The following SPATA6L variants were observed in gnomAD, a reference collection of about 807,000 sequenced individuals.
SPATA6L encodes spermatogenesis associated 6-like protein.
A neutral mutation model predicts 49.2 loss-of-function variants in SPATA6L; 68 were observed. That is an observed-to-expected ratio of 1.38 (90% CI 1.14 to 1.69). The LOEUF is 1.69. SPATA6L is among the 40% of genes most tolerant of loss of function. The pLI is 0.00. For synonymous variants in SPATA6L, 198 were observed against 165.7 expected, an observed-to-expected ratio of 1.19 and a Z score of -1.50; for missense variants, 668 against 464.3, an observed-to-expected ratio of 1.44 and a Z score of -4.03.
chr9:4,606,943 G>C (rs1372461791), intron 9 of SPATA6L, among the ~76,000 whole-genome samples: 1 of 145,184 alleles, frequency 6.9e-6, no homozygotes, highest in Non-Finnish European at 1.5e-5. Flanking sequence ...ACAGAGAAGT[G>C]CTTAAAGGAG....
At chr9:4,665,220 C>G (rs540475025) in intron 1 of SPATA6L, 2 of 166,766 alleles carry the variant, frequency 1.2e-5, no homozygotes, top group Non-Finnish European at 2.9e-5. Flanking sequence ...TGAATAATGC[C>G]TTTTAAAAAT....
intron 3 of SPATA6L, among the ~76,000 whole-genome samples, chr9:4,637,403 C>T (rs909871702): frequency 6.6e-6 from 1 of 152,162 alleles, no homozygotes; most frequent in Non-Finnish European, 1.5e-5. Context: ...TTACTTTCAA[C>T]GTAAGATTTA....
chr9:4,611,735 A>G (rs997123170), intron 9 of SPATA6L, among the ~76,000 whole-genome samples: 1 of 151,854 alleles, frequency 6.6e-6, no homozygotes, highest in African/African-American at 2.4e-5. Flanking sequence ...CCAGCGTGGC[A>G]CATGTATACA....
intron 3 of SPATA6L, among the ~76,000 whole-genome samples, chr9:4,647,775 C>G (rs1451882288): frequency 6.7e-6 from 1 of 149,984 alleles, no homozygotes; most frequent in Non-Finnish European, 1.5e-5. Flanking sequence ...GCAATTATAA[C>G]AATTAAAAAA....
intron 6 of SPATA6L, among the ~76,000 whole-genome samples, chr9:4,624,093 T>A (rs1829895711): frequency 6.6e-6 from 1 of 152,194 alleles, no homozygotes; most frequent in African/African-American, 2.4e-5. Context: ...TACACAAGCA[T>A]CACCACTGAT....
At chr9:4,594,434 G>A (rs893778078), downstream of SPATA6L, among the ~76,000 whole-genome samples, 1 of 152,154 alleles carries the variant, frequency 6.6e-6, no homozygotes, top group African/African-American at 2.4e-5. Context: ...GGATGGTCTT[G>A]ATCTCCTGAA....
intron 13 of SPATA6L, among the ~76,000 whole-genome samples, chr9:4,591,409 C>T (rs564171384): frequency 3.7e-4 from 57 of 152,280 alleles, no homozygotes; most frequent in Non-Finnish European, 7.5e-4. Flanking sequence ...AAAATGAATC[C>T]GAGGTTATCC....
intron 7 of SPATA6L, 117 bp downstream of exon 7, chr9:4,622,291 T>TAA: frequency 1.5e-6 from 1 of 670,758 alleles, no homozygotes; most frequent in Non-Finnish European, 2.6e-6. Context: ...GGAGAGTACT[T>TAA]GAGAATTAGG....
chr9:4,591,447 G>T (rs1439093066), intron 13 of SPATA6L, among the ~76,000 whole-genome samples: 1 of 149,910 alleles, frequency 6.7e-6, no homozygotes, highest in Admixed American at 6.7e-5. Flanking sequence ...AACTAGGCAG[G>T]TCTGATGGAT....
At chr9:4,621,784 G>A (rs576999320) in intron 7 of SPATA6L, among the ~76,000 whole-genome samples, 2 of 152,270 alleles carry the variant, frequency 1.3e-5, no homozygotes, top group East Asian at 1.9e-4. Context: ...CACCGTACCC[G>A]GCCGTAGTCT....
chr9:4,616,142 C>T (rs371670365), intron 9 of SPATA6L, among the ~76,000 whole-genome samples: 42 of 151,954 alleles, frequency 2.8e-4, no homozygotes, highest in Non-Finnish European at 4.0e-4. Context: ...CCGGGCATGC[C>T]GGTGCGCACC....
chr9:4,606,165 C>G (rs1336402814), intron 9 of SPATA6L, among the ~76,000 whole-genome samples: 2 of 151,642 alleles, frequency 1.3e-5, no homozygotes, highest in African/African-American at 4.9e-5. Flanking sequence ...CGGAGTCTCG[C>G]TGATTGCTAG....
At chr9:4,614,695 G>C (rs1827556007) in intron 9 of SPATA6L, among the ~76,000 whole-genome samples, 1 of 152,138 alleles carries the variant, frequency 6.6e-6, no homozygotes, top group Admixed American at 6.5e-5. Flanking sequence ...GCAAACTTTT[G>C]GTACTGAAAC....
intron 13 of SPATA6L, among the ~76,000 whole-genome samples, chr9:4,591,500 G>T (rs1462488760): frequency 6.6e-6 from 1 of 152,172 alleles, no homozygotes; most frequent in Admixed American, 6.5e-5. Flanking sequence ...ATAAAAGAAG[G>T]CAATACCAGT....
chr9:4,615,603 A>T (rs1827795915), intron 9 of SPATA6L, among the ~76,000 whole-genome samples: 1 of 152,208 alleles, frequency 6.6e-6, no homozygotes, highest in Admixed American at 6.5e-5. Context: ...CTCTCTCCTG[A>T]TGTAACTGAT....
intron 10 of SPATA6L, among the ~76,000 whole-genome samples, chr9:4,605,113 G>A (rs1824413710): frequency 6.6e-6 from 1 of 152,102 alleles, no homozygotes; most frequent in South Asian, 2.1e-4. Flanking sequence ...CTACTCCTCC[G>A]TTGGATCCAA....
At chr9:4,593,289 CTGTT>C (rs1361637975) in intron 13 of SPATA6L, among the ~76,000 whole-genome samples, 2 of 152,136 alleles carry the variant, frequency 1.3e-5, no homozygotes, top group Non-Finnish European at 2.9e-5. Context: ...CTTCAAATTG[CTGTT>C]TGTTTTCCCA....
At chr9:4,658,312 G>A (rs546256347) in intron 2 of SPATA6L, among the ~76,000 whole-genome samples, 5 of 152,166 alleles carry the variant, frequency 3.3e-5, no homozygotes, top group Non-Finnish European at 7.3e-5. Context: ...TGAGTAACTT[G>A]TTGACCCAAA....
chr9:4,652,448 G>A (rs1427596404), intron 3 of SPATA6L, among the ~76,000 whole-genome samples: 1 of 152,060 alleles, frequency 6.6e-6, no homozygotes, highest in African/African-American at 2.4e-5. Flanking sequence ...ACAAACCTGA[G>A]AATGAAATTT....
Sources: gnomAD v4.1 joint callset for allele counts (sites outside exome capture counted in the v4.1 genomes callset) on GRCh38, gnomAD v4.1.1 for gene constraint, MANE v1.5 for transcripts, NCBI Gene and HGNC (gene_info 2026-07-23, HGNC 2026-07-21) for gene names.